The following IGF2BP2 variants were observed in gnomAD, a reference collection of about 807,000 sequenced individuals.
The protein encoded by IGF2BP2 is insulin like growth factor 2 mRNA binding protein 2.
A neutral mutation model predicts 75.8 loss-of-function variants in IGF2BP2; 17 were observed. The ratio of observed to expected loss-of-function variants is 0.22; its 90% CI spans 0.15 to 0.34. The LOEUF (loss-of-function observed/expected upper bound fraction) is 0.34. Ranked by LOEUF, IGF2BP2 falls within the 10% of genes least tolerant of loss-of-function variation. The pLI, the probability that IGF2BP2 is intolerant of heterozygous loss-of-function variation, is 1.00. For synonymous variants in IGF2BP2, 288 were observed against 295.6 expected, an observed-to-expected ratio of 0.97 and a Z score of 0.26; for missense variants, 516 against 772.4, an observed-to-expected ratio of 0.67 and a Z score of 3.93.
chr3:185,653,481 A>T (rs1714933352), intron 12 of IGF2BP2, among the ~76,000 whole-genome samples: 1 of 151,786 alleles, frequency 6.6e-6, no homozygotes, highest in African/African-American at 2.4e-5. Context: ...ATCAGCCAGG[A>T]GTGGTGGCGC....
At chr3:185,670,981 T>TG (rs1261763600) in intron 10 of IGF2BP2, among the ~76,000 whole-genome samples, 1 of 152,238 alleles carries the variant, frequency 6.6e-6, no homozygotes, top group Non-Finnish European at 1.5e-5. Flanking sequence ...TCTGTGGGGC[T>TG]GTATGTACAG....
rs554738762 is a variant in IGF2BP2 at position 185,760,269 on chromosome 3, G to A, written c.240-61922C>T. 2.6e-5 allele frequency among the ~76,000 whole-genome samples: 4 copies of A among 152,132 alleles called. No individual in the cohort carries two copies. In the East Asian group the frequency reaches 5.8e-4, roughly 22 times the overall value. On this transcript the variant is annotated intron_variant, in intron 2 of 15. Coordinates refer to ENST00000382199, the MANE Select transcript of IGF2BP2 (RefSeq NM_006548.6). ...CACAGCAGTGCCTCGGTTATGACACGTCCCCTGAGAAGTGTGCATTTTGTG... is the reference window on the plus strand; with the variant it reads ...CACAGCAGTGCCTCGGTTATGACACATCCCCTGAGAAGTGTGCATTTTGTG...
In IGF2BP2 at chr3:185,690,189, C is replaced by G. The variant is rs1431165370; in HGVS notation, c.405-562G>C. ...CCAACATTACAGCCTGGTTTCTCCA[C>G]CACTCAAGGCCATTTCCCCCTTATC... On this transcript the variant is annotated intron_variant, in intron 5 of 15. Transcript: ENST00000382199. Among the ~76,000 whole-genome samples the G allele has an allele frequency of 2.6e-5, 4 of 152,266 alleles. No homozygotes were observed. In the East Asian group the frequency reaches 7.7e-4, roughly 29 times the overall value.
chr3:185,745,143 C>T (rs190636653), intron 2 of IGF2BP2, among the ~76,000 whole-genome samples: 11 of 152,300 alleles, frequency 7.2e-5, no homozygotes, highest in Admixed American at 1.3e-4. Context: ...TCTGATCACA[C>T]GGGTTTAACT....
chr3:185,671,535 CAAAAAA>C (rs397706922), intron 10 of IGF2BP2, among the ~76,000 whole-genome samples: 3 of 88,766 alleles, frequency 3.4e-5, no homozygotes, highest in African/African-American at 3.7e-5. Flanking sequence ...GACTCCATCT[CAAAAAA>C]AAAAAAAAAA....
rs1158593790 is a variant in IGF2BP2 at position 185,647,694 on chromosome 3, C to T, written c.1594-556G>A. On this transcript the variant is annotated intron_variant, in intron 14 of 15. Transcript: ENST00000382199. The surrounding 1 kb of genome is among the most constrained non-coding windows in gnomAD (Gnocchi z 4.9). ...CTGGATCCCACCCCAGGCCCACCTC[C>T]ATGAAGCCTCCAGCCCATGCTGAGC... Among the ~76,000 whole-genome samples the T allele has an allele frequency of 6.6e-6, 1 of 152,240 alleles. No homozygotes were observed. The highest frequency in any genetic ancestry group is 1.5e-5 in the Non-Finnish European group (1 of 68,040).
chr3:185,789,581 C>T (rs1736354790), intron 2 of IGF2BP2, among the ~76,000 whole-genome samples: 1 of 152,030 alleles, frequency 6.6e-6, no homozygotes, highest in South Asian at 2.1e-4. Flanking sequence ...ACATAGGGCA[C>T]ACAGCTGTGT....
chr3:185,796,647 A>C (rs1474899605), intron 2 of IGF2BP2, among the ~76,000 whole-genome samples: 1 of 150,742 alleles, frequency 6.6e-6, no homozygotes, highest in Admixed American at 6.6e-5. Flanking sequence ...GAGAGAGACT[A>C]AGGTAATACA....
At chr3:185,678,509 A>T (rs1442952571) in intron 7 of IGF2BP2, among the ~76,000 whole-genome samples, 1 of 152,208 alleles carries the variant, frequency 6.6e-6, no homozygotes, top group African/African-American at 2.4e-5. Flanking sequence ...CAGAAAAGAT[A>T]CTTTGTAGTA....
intron 2 of IGF2BP2, among the ~76,000 whole-genome samples, chr3:185,815,852 C>T (rs1205262811): frequency 6.6e-6 from 1 of 152,070 alleles, no homozygotes; most frequent in Non-Finnish European, 1.5e-5. Context: ...ATGAACTGTA[C>T]TTCACATGCT....
chr3:185,720,835 C>T (rs919672276), intron 2 of IGF2BP2, among the ~76,000 whole-genome samples: 3 of 152,216 alleles, frequency 2.0e-5, no homozygotes, highest in African/African-American at 7.2e-5. Flanking sequence ...TTATGCTTTA[C>T]ATAATCAGTA....
rs114865719 is a variant in IGF2BP2 at position 185,658,138 on chromosome 3, C to T, written c.1269+203G>A. ...CGAGCATCCACAGGTGCAACAGCAA[C>T]GGCCTAGGCCTCTGCAGAACCTCAA... On this transcript the variant is annotated intron_variant, in intron 11 of 15. Transcript: ENST00000382199. 1.4e-3 allele frequency among the ~76,000 whole-genome samples: 220 copies of T among 152,294 alleles called. 2 individuals carry two copies. The highest frequency in any genetic ancestry group is 4.3e-3 in the African/African-American group (180 of 41,562).
At chr3:185,713,177 A>C in intron 2 of IGF2BP2, 1 of 338,258 alleles carries the variant, frequency 3.0e-6, no homozygotes, top group Non-Finnish European at 5.8e-6. Flanking sequence ...CACCCAAGGA[A>C]CTGTACCACT....
At chr3:185,659,801 C>T (rs1235780317) in intron 10 of IGF2BP2, among the ~76,000 whole-genome samples, 2 of 144,368 alleles carry the variant, frequency 1.4e-5, no homozygotes, top group Non-Finnish European at 3.1e-5. Flanking sequence ...TGATTTGATA[C>T]TTTTTTTTTT....
intron 2 of IGF2BP2, among the ~76,000 whole-genome samples, chr3:185,798,787 C>CTT (rs1260800467): frequency 4.5e-5 from 6 of 133,142 alleles, no homozygotes; most frequent in South Asian, 2.5e-4. Context: ...TTTCTTTTTT[C>CTT]TTTTTTTCTT....
chr3:185,677,106 G>GAGAGAGAGAGAGAT (rs1719672543), intron 7 of IGF2BP2, among the ~76,000 whole-genome samples: 1 of 128,368 alleles, frequency 7.8e-6, no homozygotes, highest in African/African-American at 2.9e-5. Flanking sequence ...GAGAGAGAGA[G>GAGAGAGAGAGAGAT]ATGTATATAT....
chr3:185,748,147 AC>A (rs1041024520), intron 2 of IGF2BP2, among the ~76,000 whole-genome samples: 9 of 151,040 alleles, frequency 6.0e-5, no homozygotes, highest in Admixed American at 6.6e-5. Context: ...CTTGTGATCC[AC>A]CCGCCTCAGC....
At chr3:185,659,425 G>A (rs1577846659) in intron 10 of IGF2BP2, among the ~76,000 whole-genome samples, 2 of 152,210 alleles carry the variant, frequency 1.3e-5, no homozygotes, top group African/African-American at 4.8e-5. Flanking sequence ...CCAGGCTGGA[G>A]TGAAGTGGCG....
rs1188866156 is a variant in IGF2BP2 at position 185,644,219 on chromosome 3, C to A, written c.*1312G>T. On this transcript the variant is annotated 3_prime_UTR_variant, in exon 16 of 16. Transcript: ENST00000382199. ...GAGCAAGGTGCTGAGGTAAAAACAC[C>A]TGAGGTAGCTTCTTCTGTGTGTTTT... 1 of 152,310 alleles carries A rather than the reference C, an allele frequency of 6.6e-6. No individual in the cohort carries two copies. Among genetic ancestry groups the A allele is most frequent in the Non-Finnish European group, 1.5e-5 (1 of 68,000 alleles). The allele number at this position is 152,310 out of a possible 1,614,324, so 9.4% of individuals were successfully genotyped here. A position where few individuals can be genotyped will look rare whatever the true frequency, so the allele number is the denominator to read the frequency against.
Sources: allele counts gnomAD v4.1 joint callset (sites outside exome capture counted in the v4.1 genomes callset), GRCh38; gene constraint gnomAD v4.1.1; non-coding constraint Gnocchi (gnomAD v3.1); transcripts MANE v1.5; gene names NCBI Gene and HGNC (gene_info 2026-07-23, HGNC 2026-07-21).